The following SHQ1 variants were observed in gnomAD, a reference collection of about 807,000 sequenced individuals.
SHQ1 encodes the protein protein SHQ1 homolog.
SHQ1 carries 49 observed loss-of-function variants against 53.8 expected under a neutral mutation model. The ratio of observed to expected loss-of-function variants is 0.91; its 90% CI spans 0.72 to 1.16. The LOEUF (loss-of-function observed/expected upper bound fraction) is 1.16. Among genes scored for constraint, SHQ1 ranks in the 50% most tolerant of loss-of-function variants. SHQ1 has a pLI of 0.00. For synonymous variants in SHQ1, 243 were observed against 251.0 expected, an observed-to-expected ratio of 0.97 and a Z score of 0.30; for missense variants, 738 against 683.1, an observed-to-expected ratio of 1.08 and a Z score of -0.90.
chr3:72,727,036 T>C, the SHQ1 span, among the ~76,000 whole-genome samples: 1 of 152,264 alleles, frequency 6.6e-6, no homozygotes, highest in African/African-American at 2.4e-5. Flanking sequence ...CTGATTTCAG[T>C]CAACTCTTGA....
intron 5 of SHQ1, among the ~76,000 whole-genome samples, chr3:72,826,458 T>G (rs902154907): frequency 3.3e-5 from 5 of 152,262 alleles, no homozygotes; most frequent in African/African-American, 1.2e-4. Context: ...AAGTCATTCA[T>G]TCAACAGAAA....
intron 9 of SHQ1, among the ~76,000 whole-genome samples, chr3:72,810,514 C>T: frequency 6.6e-6 from 1 of 152,120 alleles, no homozygotes; most frequent in Non-Finnish European, 1.5e-5. Flanking sequence ...TAAGATCAAT[C>T]CTTCTTTGGA....
At chr3:72,739,683 C>G in the SHQ1 span, among the ~76,000 whole-genome samples, 24 of 152,216 alleles carry the variant, frequency 1.6e-4, no homozygotes, top group Non-Finnish European at 4.4e-5. Context: ...GCTCAGAAAA[C>G]CAGGATGTGT....
chr3:72,750,650 AT>A lies in SHQ1; in HGVS notation c.1367del (p.Asp456ValfsTer83). On this transcript the variant is annotated frameshift_variant, in exon 11 of 11. Coordinates refer to ENST00000325599, the MANE Select transcript of SHQ1 (RefSeq NM_018130.3). LOFTEE classifies it low-confidence loss of function (END_TRUNC). The part of the protein sequence containing the change: ...QTLCSSSEAS[D>X]SEDSDSSVSS... ...ACACGCTGCTGTCTGAGTCCTCCGAATCACTTGCCTCAGAGCTGGAGCAAAG... is the reference window on the plus strand; with the variant it reads ...ACACGCTGCTGTCTGAGTCCTCCGAACACTTGCCTCAGAGCTGGAGCAAAG... 6.2e-7 allele frequency: 1 copy of A among 1,613,746 alleles called. No individual in the cohort carries two copies. Among genetic ancestry groups the A allele is most frequent in the Non-Finnish European group, 8.5e-7 (1 of 1,179,810 alleles).
chr3:72,847,866 G>A (rs1280070609), intron 1 of SHQ1, among the ~76,000 whole-genome samples: 1 of 152,164 alleles, frequency 6.6e-6, no homozygotes, highest in Non-Finnish European at 1.5e-5. Flanking sequence ...CAAACGCGGA[G>A]TGAAAGGAAA....
chr3:72,812,583 A>G, intron 9 of SHQ1, 88 bp downstream of exon 9: 1 of 1,499,100 alleles, frequency 6.7e-7, no homozygotes, highest in South Asian at 1.2e-5. Flanking sequence ...TATATACAGT[A>G]AAAAAGCAAA....
At chr3:72,803,596 C>T (rs1320676412) in intron 9 of SHQ1, among the ~76,000 whole-genome samples, 1 of 152,180 alleles carries the variant, frequency 6.6e-6, no homozygotes, top group Non-Finnish European at 1.5e-5. Flanking sequence ...CTCCAACCTC[C>T]ATGTACATAC....
chr3:72,786,062 A>C (rs1412476411), intron 10 of SHQ1, among the ~76,000 whole-genome samples: 1 of 152,094 alleles, frequency 6.6e-6, no homozygotes, highest in Non-Finnish European at 1.5e-5. Context: ...CCAAGTCAAA[A>C]CCCACATCTC....
chr3:72,740,145 G>C, the SHQ1 span, among the ~76,000 whole-genome samples: 2 of 152,164 alleles, frequency 1.3e-5, no homozygotes, highest in African/African-American at 4.8e-5. Flanking sequence ...AAGTCCCCCT[G>C]ACCTTGCCTT....
chr3:72,802,078 T>A (rs1469298372), intron 9 of SHQ1, among the ~76,000 whole-genome samples: 1 of 152,168 alleles, frequency 6.6e-6, no homozygotes, highest in South Asian at 2.1e-4. Context: ...GAAAAATTCT[T>A]AAGAATTGCT....
intron 5 of SHQ1, among the ~76,000 whole-genome samples, chr3:72,828,455 G>A (rs1707729583): frequency 6.6e-6 from 1 of 152,192 alleles, no homozygotes; most frequent in South Asian, 2.1e-4. Flanking sequence ...AACACTTTGG[G>A]AGGCCAAGGC....
At chr3:72,767,387 A>G (rs1236628256) in intron 10 of SHQ1, among the ~76,000 whole-genome samples, 1 of 152,228 alleles carries the variant, frequency 6.6e-6, no homozygotes, top group African/African-American at 2.4e-5. Flanking sequence ...GATTACCGAC[A>G]TACAAGTTGA....
chr3:72,802,926 C>G (rs1706833068), intron 9 of SHQ1, among the ~76,000 whole-genome samples: 1 of 152,166 alleles, frequency 6.6e-6, no homozygotes, highest in African/African-American at 2.4e-5. Context: ...CTGGTATTAA[C>G]TACATTAGAC....
chr3:72,781,053 CTTTTT>C (rs1289843504), intron 10 of SHQ1, among the ~76,000 whole-genome samples: 1 of 141,654 alleles, frequency 7.1e-6, no homozygotes, highest in African/African-American at 2.6e-5. Flanking sequence ...ATTTTCTTCT[CTTTTT>C]TTTTTTCTTT....
chr3:72,841,891 C>G (rs1288684791), intron 3 of SHQ1, among the ~76,000 whole-genome samples: 4 of 152,180 alleles, frequency 2.6e-5, no homozygotes, highest in African/African-American at 9.6e-5. Context: ...CAGTAATACT[C>G]CTGGCCCTCC....
intron 9 of SHQ1, chr3:72,793,665 A>T (rs1706515651): frequency 6.6e-6 from 1 of 152,196 alleles, no homozygotes; most frequent in Non-Finnish European, 1.5e-5. Context: ...AATGCATCAT[A>T]ATTTTTATTA....
chr3:72,763,486 G>A (rs1705652947), intron 10 of SHQ1, among the ~76,000 whole-genome samples: 1 of 152,188 alleles, frequency 6.6e-6, no homozygotes. Context: ...GATACTATGG[G>A]TTGAACTGTG....
intron 10 of SHQ1, among the ~76,000 whole-genome samples, chr3:72,757,806 C>T (rs756716446): frequency 1.2e-4 from 18 of 152,068 alleles, no homozygotes; most frequent in Non-Finnish European, 1.6e-4. Flanking sequence ...GGGAACAACA[C>T]ACACCAGGGC....
At chr3:72,814,130 T>G (rs1186431148) in intron 8 of SHQ1, among the ~76,000 whole-genome samples, 2 of 152,168 alleles carry the variant, frequency 1.3e-5, no homozygotes, top group African/African-American at 4.8e-5. Flanking sequence ...GGAATCTGAT[T>G]AAGAACACTT....
Sources: gnomAD v4.1 joint callset for allele counts (sites outside exome capture counted in the v4.1 genomes callset) on GRCh38, gnomAD v4.1.1 for gene constraint, MANE v1.5 for transcripts, NCBI Gene and HGNC (gene_info 2026-07-23, HGNC 2026-07-21) for gene names.